The following OSBPL1A variants were observed in gnomAD, a reference collection of about 807,000 sequenced individuals.
The protein encoded by OSBPL1A is oxysterol binding protein like 1A.
A neutral mutation model predicts 137.1 loss-of-function variants in OSBPL1A; 80 were observed. The observed-to-expected ratio is 0.58, with a 90% CI of 0.49 to 0.70. The LOEUF (loss-of-function observed/expected upper bound fraction) is 0.70. Among genes scored for constraint, OSBPL1A ranks in the 30% least tolerant of loss-of-function variants. The pLI, the probability that OSBPL1A is intolerant of heterozygous loss-of-function variation, is 0.00. For missense variants in OSBPL1A, 970 were observed against 1,129.4 expected, an observed-to-expected ratio of 0.86 and a Z score of 2.02; for synonymous variants, 365 against 389.7, an observed-to-expected ratio of 0.94 and a Z score of 0.75.
intron 7 of OSBPL1A, among the ~76,000 whole-genome samples, chr18:24,323,350 C>T (rs1040608367): frequency 2.7e-5 from 4 of 149,698 alleles, no homozygotes; most frequent in African/African-American, 7.4e-5. Flanking sequence ...GCCAGCAGTT[C>T]GAGACCAGCC....
At chr18:24,315,758 A>G (rs1379299786) in intron 11 of OSBPL1A, among the ~76,000 whole-genome samples, 1 of 121,422 alleles carries the variant, frequency 8.2e-6, no homozygotes, top group Admixed American at 1.1e-4. Context: ...AATATAATAT[A>G]TAGTATATAT....
chr18:24,201,021 A>C (rs529466863), intron 17 of OSBPL1A, among the ~76,000 whole-genome samples: 2 of 152,234 alleles, frequency 1.3e-5, no homozygotes, highest in African/African-American at 4.8e-5. Flanking sequence ...AGACGAGAGC[A>C]GCAATCAGAA....
chr18:24,249,808 G>A (rs1446642481), intron 15 of OSBPL1A, among the ~76,000 whole-genome samples: 1 of 152,144 alleles, frequency 6.6e-6, no homozygotes, highest in African/African-American at 2.4e-5. Context: ...GGGGGTCCTA[G>A]GTAAATTTGA....
chr18:24,219,138 A>C (rs151237149), intron 17 of OSBPL1A, among the ~76,000 whole-genome samples: 2 of 152,026 alleles, frequency 1.3e-5, no homozygotes, highest in African/African-American at 4.8e-5. Flanking sequence ...GGAAAAAAAA[A>C]ATTAATTAGC....
intron 15 of OSBPL1A, among the ~76,000 whole-genome samples, chr18:24,275,030 C>T (rs1434789153): frequency 9.9e-5 from 15 of 152,064 alleles, no homozygotes; most frequent in Admixed American, 9.8e-4. Flanking sequence ...AGTCACATGC[C>T]AGGCCCTTCA....
chr18:24,332,699 T>A (rs1173776062), intron 7 of OSBPL1A, among the ~76,000 whole-genome samples: 1 of 152,152 alleles, frequency 6.6e-6, no homozygotes, highest in African/African-American at 2.4e-5. Context: ...TCAGTGCTGG[T>A]GGCAACTTTA....
chr18:24,340,215 T>G (rs543623656), intron 5 of OSBPL1A, among the ~76,000 whole-genome samples: 6 of 152,310 alleles, frequency 3.9e-5, no homozygotes, highest in African/African-American at 1.2e-4. Flanking sequence ...GGTGCCCAAA[T>G]GCAAGCATCA....
At chr18:24,393,430 T>C (rs1294124662) in intron 1 of OSBPL1A, among the ~76,000 whole-genome samples, 1 of 152,266 alleles carries the variant, frequency 6.6e-6, no homozygotes, top group South Asian at 2.1e-4. Flanking sequence ...TAATGCAACG[T>C]ATTTTATTTT....
chr18:24,324,692 G>C (rs2090937134), intron 7 of OSBPL1A, among the ~76,000 whole-genome samples: 1 of 150,360 alleles, frequency 6.7e-6, no homozygotes, highest in Non-Finnish European at 1.5e-5. Context: ...GCTGAGGTGG[G>C]AGCATTGCTT....
intron 14 of OSBPL1A, among the ~76,000 whole-genome samples, chr18:24,295,103 C>T (rs139349242): frequency 6.6e-6 from 1 of 152,290 alleles, no homozygotes; most frequent in East Asian, 1.9e-4. Flanking sequence ...TCATTATGGC[C>T]ATTCTTGTAG....
intron 14 of OSBPL1A, among the ~76,000 whole-genome samples, chr18:24,289,421 T>TTTG (rs1303493043): frequency 2.5e-5 from 3 of 121,858 alleles, no homozygotes; most frequent in South Asian, 2.5e-4. Flanking sequence ...TTTTCCTGTT[T>TTTG]TTTTTTTTTT....
chr18:24,352,962 C>T (rs2091468870), intron 4 of OSBPL1A, among the ~76,000 whole-genome samples: 1 of 151,992 alleles, frequency 6.6e-6, no homozygotes, highest in Admixed American at 6.6e-5. Flanking sequence ...CCATAAAAAC[C>T]CTAGTAAGAA....
chr18:24,273,125 C>T (rs938835622), intron 15 of OSBPL1A, among the ~76,000 whole-genome samples: 1 of 152,158 alleles, frequency 6.6e-6, no homozygotes, highest in African/African-American at 2.4e-5. Context: ...TCATGCTGGT[C>T]TCCAACTCCT....
intron 4 of OSBPL1A, among the ~76,000 whole-genome samples, chr18:24,345,243 A>C (rs2091327126): frequency 6.6e-6 from 1 of 152,218 alleles, no homozygotes; most frequent in African/African-American, 2.4e-5. Flanking sequence ...CCTCCCAGAG[A>C]AGTAGTCAGC....
At chr18:24,226,200 A>G in intron 16 of OSBPL1A, among the ~76,000 whole-genome samples, 1 of 152,148 alleles carries the variant, frequency 6.6e-6, no homozygotes, top group Admixed American at 6.5e-5. Flanking sequence ...GGCATTTCAC[A>G]TTCTTCATCT....
chr18:24,216,957 G>C (rs2087722052), intron 17 of OSBPL1A, among the ~76,000 whole-genome samples: 2 of 152,098 alleles, frequency 1.3e-5, no homozygotes, highest in African/African-American at 4.8e-5. Flanking sequence ...ATGTAAGCCT[G>C]AAACACTTTT....
In OSBPL1A at chr18:24,311,944, A is replaced by G. The variant is rs772064044; in HGVS notation, c.1092+40T>C. 7.9e-5 allele frequency: 127 copies of G among 1,610,712 alleles called. No homozygotes were observed. In the South Asian group the frequency reaches 1.3e-3, roughly 16 times the overall value. ...AAAGTTCTTGATTAAACCTCATGAC[A>G]TAGATAGCTATAAAGGTCAGGTTAC... is the stretch of plus-strand genomic sequence containing the variant. On this transcript the variant is annotated intron_variant, in intron 13 of 27. Transcript: ENST00000319481.
At chr18:24,213,012 A>T (rs1314037974) in intron 17 of OSBPL1A, among the ~76,000 whole-genome samples, 1 of 152,200 alleles carries the variant, frequency 6.6e-6, no homozygotes. Context: ...CAGTCATCAC[A>T]AAGTTCTCTC....
At chr18:24,236,350 T>C (rs1012752400) in intron 16 of OSBPL1A, among the ~76,000 whole-genome samples, 1 of 152,116 alleles carries the variant, frequency 6.6e-6, no homozygotes, top group African/African-American at 2.4e-5. Context: ...GGACCATTTG[T>C]TCCCTTGTAA....
Sources: allele counts gnomAD v4.1 joint callset (sites outside exome capture counted in the v4.1 genomes callset), GRCh38; gene constraint gnomAD v4.1.1; transcripts MANE v1.5; gene names NCBI Gene and HGNC (gene_info 2026-07-23, HGNC 2026-07-21).